The following LSS variants were observed in gnomAD, a reference collection of about 807,000 sequenced individuals.
LSS encodes lanosterol synthase.
Under a neutral mutation model 110.3 loss-of-function variants are expected in LSS, and 90 were observed. That is an observed-to-expected ratio of 0.82 (90% CI 0.69 to 0.97). LSS has a LOEUF of 0.97. Ranked by LOEUF, LSS falls within the 50% of genes least tolerant of loss-of-function variation. LSS has a pLI of 0.00. For synonymous variants in LSS, 433 were observed against 400.0 expected (o/e 1.08, Z -0.98); for missense variants, 927 against 990.0 (o/e 0.94, Z 0.85).
At chr21:46,213,903 G>A (rs1190372881) in intron 9 of LSS, 68 bp from the exon 10 acceptor site, 57 of 1,137,272 alleles carry the variant, frequency 5.0e-5, no homozygotes, top group East Asian at 3.8e-4. Context: ...ACAAGGTCTC[G>A]TCCAGATCCA....
At position 46,216,349 on chromosome 21, in the gene LSS, G is replaced by A. The variant is rs1435985577; in HGVS notation, c.783+40C>T. On this transcript the variant is annotated intron_variant, in intron 7 of 21. Transcript: ENST00000397728. The surrounding 1 kb of genome is among the most constrained non-coding windows in gnomAD (Gnocchi z 4.2). ...GAAGCCCCAGGCCCTGTGGGTCCCA[G>A]CCCCAGAGGCCTTCACTTTGTTCCC... 6.2e-7 allele frequency: 1 copy of A among 1,612,458 alleles called. No individual in the cohort carries two copies.
intron 6 of LSS, among the ~76,000 whole-genome samples, chr21:46,218,971 C>T (rs1021056035): frequency 1.1e-4 from 16 of 152,110 alleles, no homozygotes; most frequent in South Asian, 2.1e-4. Context: ...GTGATCTGCC[C>T]GCCTCGGCCT....
At chr21:46,222,822 C>A in intron 3 of LSS, 84 bp from the exon 4 acceptor site, 1 of 980,018 alleles carries the variant, frequency 1.0e-6, no homozygotes, top group Non-Finnish European at 1.6e-6. Flanking sequence ...GAGCACCTCA[C>A]TCCAACAGGG....
At chr21:46,215,891 C>T (rs764283302) in intron 7 of LSS, 98 bp from the exon 8 acceptor site, 3 of 763,218 alleles carry the variant, frequency 3.9e-6, no homozygotes, top group Non-Finnish European at 6.4e-6. Flanking sequence ...CCTCAGGGCC[C>T]TGGGCCAGTC....
Position 46,189,287 on chromosome 21 carries a change from G to A in LSS, c.*1817C>T, listed in dbSNP as rs2079770821. 1 of 257,504 alleles carries A rather than the reference G, an allele frequency of 3.9e-6. No individual in the cohort carries two copies. The highest frequency in any genetic ancestry group is 2.3e-5 in the African/African-American group (1 of 43,912). The allele number at this position is 257,504 out of a possible 1,614,324, so 16.0% of individuals were successfully genotyped here. On this transcript the variant is annotated 3_prime_UTR_variant, in exon 22 of 22. Transcript: ENST00000397728. ...TCCCAGGGACAGCAGCCTCTGCTCAGGGCAGACTCTGTGATTCACTGTCTG... is the reference window on the plus strand; with the variant it reads ...TCCCAGGGACAGCAGCCTCTGCTCAAGGCAGACTCTGTGATTCACTGTCTG...
intron 3 of LSS, among the ~76,000 whole-genome samples, chr21:46,226,183 C>A (rs1252538935): frequency 6.6e-6 from 1 of 151,756 alleles, no homozygotes; most frequent in Non-Finnish European, 1.5e-5. Context: ...AGCCAGCCCA[C>A]AGGAAGGGTC....
intron 17 of LSS, among the ~76,000 whole-genome samples, chr21:46,199,808 C>T (rs1029841360): frequency 6.6e-6 from 1 of 152,090 alleles, no homozygotes; most frequent in Non-Finnish European, 1.5e-5. Flanking sequence ...GTTCTGGAGG[C>T]GGGGACAGCG....
chr21:46,191,756 A>G, intron 21 of LSS, 125 bp downstream of exon 21: 1 of 763,222 alleles, frequency 1.3e-6, no homozygotes, highest in Non-Finnish European at 2.2e-6. Flanking sequence ...ATTCACTGGC[A>G]GAGGTGACGC....
At chr21:46,211,818 G>C (rs1281752699) in intron 11 of LSS, among the ~76,000 whole-genome samples, 1 of 152,196 alleles carries the variant, frequency 6.6e-6, no homozygotes, top group Non-Finnish European at 1.5e-5. Flanking sequence ...TCCAGGAGGA[G>C]AAAAGAGACC....
intron 17 of LSS, among the ~76,000 whole-genome samples, chr21:46,202,514 T>A (rs1220472822): frequency 6.6e-6 from 1 of 151,926 alleles, no homozygotes; most frequent in South Asian, 2.1e-4. Context: ...AACAAAGAAA[T>A]TGAGGGGAAA....
intron 9 of LSS, among the ~76,000 whole-genome samples, chr21:46,214,518 C>T (rs935403706): frequency 5.9e-5 from 9 of 152,240 alleles, no homozygotes; most frequent in African/African-American, 2.2e-4. Context: ...TGGCCCAGTG[C>T]CACCTGGGTA....
intron 20 of LSS, chr21:46,192,823 C>T (rs1480198132): frequency 1.3e-5 from 6 of 444,946 alleles, no homozygotes; most frequent in Non-Finnish European, 2.2e-5. Context: ...TCTCCATGTA[C>T]GTATGTCTGT....
intron 15 of LSS, 85 bp downstream of exon 15, chr21:46,207,343 C>A: frequency 2.6e-6 from 4 of 1,514,984 alleles, no homozygotes; most frequent in Non-Finnish European, 2.7e-6. Flanking sequence ...GTGTGCTGGG[C>A]TGGAGCCCAC....
chr21:46,223,884 A>ATC (rs1555903000), intron 3 of LSS, among the ~76,000 whole-genome samples: 2 of 152,158 alleles, frequency 1.3e-5, no homozygotes, highest in South Asian at 2.1e-4. Flanking sequence ...CGGTAGCGAA[A>ATC]AGTGTCAAGG....
At chr21:46,215,443 C>T in intron 8 of LSS, 145 bp from the exon 9 acceptor site, 1 of 589,106 alleles carries the variant, frequency 1.7e-6, no homozygotes, top group South Asian at 1.8e-5. Context: ...GCTCCTCCTT[C>T]CCTGCCCAGG....
chr21:46,197,628 C>T (rs1259255608), intron 17 of LSS, among the ~76,000 whole-genome samples: 1 of 152,206 alleles, frequency 6.6e-6, no homozygotes, highest in Non-Finnish European at 1.5e-5. Context: ...GTGGCTCACG[C>T]CTTGTAATCC....
chr21:46,195,057 A>T (rs536095756), intron 19 of LSS, among the ~76,000 whole-genome samples: 2 of 152,282 alleles, frequency 1.3e-5, no homozygotes, highest in Admixed American at 6.5e-5. Flanking sequence ...GCTGGGAGAG[A>T]GTCCGGCGGC....
chr21:46,195,110 G>A (rs907367140), intron 19 of LSS, among the ~76,000 whole-genome samples: 4 of 152,174 alleles, frequency 2.6e-5, no homozygotes, highest in Non-Finnish European at 4.4e-5. Context: ...CTTCTAACCC[G>A]CTCCAGCGAG....
At chr21:46,207,654 A>G in intron 14 of LSS, 77 bp from the exon 15 acceptor site, 2 of 1,489,050 alleles carry the variant, frequency 1.3e-6, no homozygotes, top group Non-Finnish European at 1.8e-6. Flanking sequence ...AGCCGCACGC[A>G]TCCCTCCCCA....
Sources: gnomAD v4.1 joint callset for allele counts (sites outside exome capture counted in the v4.1 genomes callset) on GRCh38, gnomAD v4.1.1 for gene constraint, Gnocchi (gnomAD v3.1) non-coding constraint, MANE v1.5 for transcripts, NCBI Gene and HGNC (gene_info 2026-07-23, HGNC 2026-07-21) for gene names.